The following GLRA1 variants were observed in gnomAD, a reference collection of about 807,000 sequenced individuals.
GLRA1 encodes the protein glycine receptor subunit alpha-1.
In GLRA1, 37 loss-of-function variants were observed where a neutral mutation model predicts 48.3. The observed-to-expected ratio is 0.77, with a 90% CI of 0.59 to 1.01. GLRA1 has a LOEUF of 1.01. GLRA1 is among the 50% of genes least tolerant of loss of function. The pLI is 0.00. For missense variants in GLRA1, 427 were observed against 571.0 expected, an observed-to-expected ratio of 0.75 and a Z score of 2.57; for synonymous variants, 196 against 210.7, an observed-to-expected ratio of 0.93 and a Z score of 0.60.
intron 1 of GLRA1, among the ~76,000 whole-genome samples, chr5:151,893,298 T>TTCTC (rs1354206248): frequency 1.5e-5 from 2 of 129,518 alleles, no homozygotes; most frequent in East Asian, 2.3e-4. Context: ...CTTTCTTTCT[T>TTCTC]TCTTTCTTTC....
chr5:151,842,825 C>T (rs1454370890), intron 7 of GLRA1, among the ~76,000 whole-genome samples: 2 of 152,162 alleles, frequency 1.3e-5, no homozygotes, highest in Non-Finnish European at 2.9e-5. Context: ...TTGTACATCA[C>T]ATGGTCTTGT....
At chr5:151,888,527 A>G (rs1753977829) in intron 2 of GLRA1, among the ~76,000 whole-genome samples, 1 of 152,172 alleles carries the variant, frequency 6.6e-6, no homozygotes, top group Non-Finnish European at 1.5e-5. Context: ...TCAGGGTTGT[A>G]AGATTTTAGG....
At chr5:151,862,461 C>T (rs1043836689) in intron 3 of GLRA1, among the ~76,000 whole-genome samples, 3 of 152,122 alleles carry the variant, frequency 2.0e-5, no homozygotes, top group African/African-American at 7.2e-5. Flanking sequence ...GCACAGCAAA[C>T]GAAACTACCA....
intron 3 of GLRA1, among the ~76,000 whole-genome samples, chr5:151,870,997 G>T (rs924290262): frequency 6.7e-6 from 1 of 149,642 alleles, no homozygotes; most frequent in Non-Finnish European, 1.5e-5. Context: ...TCTGGAATTT[G>T]ATCTGATGAA....
intron 7 of GLRA1, among the ~76,000 whole-genome samples, chr5:151,837,492 A>G (rs570455427): frequency 2.0e-5 from 3 of 152,184 alleles, no homozygotes; most frequent in African/African-American, 4.8e-5. Flanking sequence ...AAATCATTCT[A>G]CTATAAAGAC....
intron 2 of GLRA1, among the ~76,000 whole-genome samples, chr5:151,889,349 A>C (rs576535263): frequency 3.7e-4 from 57 of 152,372 alleles, no homozygotes; most frequent in African/African-American, 1.3e-3. Flanking sequence ...ACACAAAGTC[A>C]TAAAGAAGAC....
At chr5:151,851,747 GT>G (rs1259974101) in intron 6 of GLRA1, 143 bp from the exon 7 acceptor site, 2 of 684,472 alleles carry the variant, frequency 2.9e-6, no homozygotes, top group Non-Finnish European at 5.4e-6. Context: ...TTCTGTATCT[GT>G]TTCCTTATGT....
chr5:151,896,966 G>T (rs1253181567), intron 1 of GLRA1, among the ~76,000 whole-genome samples: 3 of 152,180 alleles, frequency 2.0e-5, no homozygotes, highest in African/African-American at 7.2e-5. Context: ...GTGTTGGACA[G>T]GCGTTAGAGG....
In GLRA1 at chr5:151,822,922, A is replaced by G. The variant is rs758811460; in HGVS notation, c.1101T>C (p.Tyr367=). The G allele has an allele frequency of 2.5e-6, 4 of 1,612,106 alleles. No individual in the cohort carries two copies. The highest frequency in any genetic ancestry group is 1.1e-5 in the South Asian group (1 of 91,028). The part of the protein sequence containing the change: ...AGEGRFNFSA[Y]GMGPACLQAK... ...CCTGTAGACAGGCTGGGCCCATCCC[A>G]TAGGCAGAGAAGTTAAAGCGGCCTT... The change falls in exon 9 of 9, where the codon TAT becomes TAC. Residue 367 remains tyrosine, a synonymous_variant. Coordinates refer to ENST00000274576, the MANE Select transcript of GLRA1 (RefSeq NM_000171.4).
At chr5:151,844,544 C>T (rs1204775966) in intron 7 of GLRA1, among the ~76,000 whole-genome samples, 1 of 141,442 alleles carries the variant, frequency 7.1e-6, no homozygotes, top group Non-Finnish European at 1.5e-5. Flanking sequence ...ATCTCTTGCA[C>T]CTGGGAGGGA....
At chr5:151,922,254 T>A (rs1383969976) in intron 1 of GLRA1, among the ~76,000 whole-genome samples, 1 of 152,240 alleles carries the variant, frequency 6.6e-6, no homozygotes, top group East Asian at 1.9e-4. Context: ...AGCCTCCATC[T>A]ACCCCCAAAT....
chr5:151,900,362 C>A (rs1754333575), intron 1 of GLRA1, among the ~76,000 whole-genome samples: 1 of 152,218 alleles, frequency 6.6e-6, no homozygotes, highest in Non-Finnish European at 1.5e-5. Context: ...ATGATCAAAT[C>A]TATTTGCCCG....
At chr5:151,889,029 G>A (rs1280748653) in intron 2 of GLRA1, among the ~76,000 whole-genome samples, 1 of 152,136 alleles carries the variant, frequency 6.6e-6, no homozygotes, top group Non-Finnish European at 1.5e-5. Context: ...ACCCCAAGGA[G>A]TTACTGCCTA....
intron 1 of GLRA1, among the ~76,000 whole-genome samples, chr5:151,905,557 A>T (rs1350299587): frequency 6.6e-6 from 1 of 152,180 alleles, no homozygotes; most frequent in Non-Finnish European, 1.5e-5. Context: ...CTTGGTCACA[A>T]ACCTCTGTTC....
intron 7 of GLRA1, among the ~76,000 whole-genome samples, chr5:151,830,208 G>A (rs1009268893): frequency 3.3e-5 from 5 of 152,162 alleles, no homozygotes; most frequent in African/African-American, 1.2e-4. Context: ...CTCATTCCCA[G>A]AGAGTTATCA....
At position 151,898,003 on chromosome 5, in the gene GLRA1, C is replaced by G. The variant is rs938328883; in HGVS notation, c.57-5565G>C. ...ACTTAAAGGACCTCAGATGTTACTT[C>G]TAATGACAGAGACCATGCAAAGCTC... is the stretch of plus-strand genomic sequence containing the variant. On this transcript the variant is annotated intron_variant, in intron 1 of 8. Coordinates refer to ENST00000274576, the MANE Select transcript of GLRA1 (RefSeq NM_000171.4). Among the ~76,000 whole-genome samples, 3 of 152,162 alleles carry G rather than the reference C, an allele frequency of 2.0e-5. No individual in the cohort carries two copies. In the South Asian group the frequency reaches 6.2e-4, roughly 32 times the overall value.
intron 3 of GLRA1, among the ~76,000 whole-genome samples, chr5:151,878,079 C>T (rs1351897758): frequency 6.6e-6 from 1 of 152,170 alleles, no homozygotes; most frequent in African/African-American, 2.4e-5. Context: ...TTTGGAACTT[C>T]CTAGAGACTT....
At chr5:151,922,615 C>G (rs1052390086) in intron 1 of GLRA1, among the ~76,000 whole-genome samples, 12 of 152,226 alleles carry the variant, frequency 7.9e-5, no homozygotes, top group Non-Finnish European at 1.6e-4. Context: ...TGTGCGTTCA[C>G]GCACGTAGGG....
At chr5:151,826,968 GA>G (rs1170229027) in intron 8 of GLRA1, among the ~76,000 whole-genome samples, 4 of 150,736 alleles carry the variant, frequency 2.7e-5, no homozygotes, top group Admixed American at 2.0e-4. Flanking sequence ...AGTGTATAGG[GA>G]AAATGGAAAA....
Sources: gnomAD v4.1 joint callset for allele counts (sites outside exome capture counted in the v4.1 genomes callset) on GRCh38, gnomAD v4.1.1 for gene constraint, MANE v1.5 for transcripts, NCBI Gene and HGNC (gene_info 2026-07-23, HGNC 2026-07-21) for gene names.